The following DNMBP variants were observed in gnomAD, a reference collection of about 807,000 sequenced individuals.
DNMBP encodes dynamin binding protein.
In DNMBP, 87 loss-of-function variants were observed where a neutral mutation model predicts 150.0. The ratio of observed to expected loss-of-function variants is 0.58; its 90% CI spans 0.49 to 0.69. DNMBP has a LOEUF of 0.69. Among genes scored for constraint, DNMBP ranks in the 30% least tolerant of loss-of-function variants. The probability of loss-of-function intolerance (pLI) is 0.00; values close to 1 mark genes in which losing one functional copy is unlikely to be tolerated. For missense variants in DNMBP, 1,774 were observed against 1,949.0 expected (o/e 0.91, Z 1.69); for synonymous variants, 711 against 750.4 (o/e 0.95, Z 0.86).
chr10:99,998,047 A>C (rs2040968547), intron 1 of DNMBP, among the ~76,000 whole-genome samples: 2 of 151,204 alleles, frequency 1.3e-5, no homozygotes, highest in Non-Finnish European at 2.9e-5. Flanking sequence ...CATCCTGGCT[A>C]ACACAGTGAA....
At chr10:99,908,224 A>G (rs1476930777) in intron 5 of DNMBP, 130 bp from the exon 6 acceptor site, 1 of 654,002 alleles carries the variant, frequency 1.5e-6, no homozygotes, top group African/African-American at 1.8e-5. Flanking sequence ...ACTTTCATGA[A>G]GTTTCCAGAC....
intron 13 of DNMBP, 137 bp downstream of exon 13, chr10:99,886,163 T>C (rs1161038639): frequency 3.8e-6 from 3 of 781,048 alleles, no homozygotes; most frequent in Non-Finnish European, 6.0e-6. Flanking sequence ...GGGATTAAGA[T>C]TTCCTGAGGG....
chr10:99,900,088 A>G, intron 6 of DNMBP, 22 bp from the exon 7 acceptor site: 1 of 1,613,380 alleles, frequency 6.2e-7, no homozygotes, highest in Non-Finnish European at 8.5e-7. Flanking sequence ...ACACAAACAT[A>G]CAGTGTTTTT....
intron 1 of DNMBP, among the ~76,000 whole-genome samples, chr10:99,982,672 G>T (rs923915815): frequency 6.6e-6 from 1 of 152,088 alleles, no homozygotes; most frequent in South Asian, 2.1e-4. Context: ...CACTGGTGAG[G>T]CTGGGCACGG....
At position 100,002,614 on chromosome 10, in the gene DNMBP, T is replaced by C. The variant is rs112381368; in HGVS notation, c.-11+7224A>G. 4.9e-3 allele frequency among the ~76,000 whole-genome samples: 747 copies of C among 152,322 alleles called. 11 individuals are homozygous for C. Among genetic ancestry groups the C allele is most frequent in the African/African-American group, 0.016 (669 of 41,574 alleles). On this transcript the variant is annotated intron_variant, in intron 1 of 16. Transcript: ENST00000324109. The stretch of plus-strand genomic sequence containing the variant: ...CAGCTATTTAAATTCTGACTCGTAA[T>C]GCCAGGAGGAAAAAGCTGACCTAAT...
At chr10:99,941,532 G>C (rs558807249) in intron 4 of DNMBP, among the ~76,000 whole-genome samples, 9 of 151,338 alleles carry the variant, frequency 5.9e-5, no homozygotes, top group South Asian at 2.1e-4. Context: ...GCAATGGCAC[G>C]ATCTCGGCTC....
Position 99,894,925 on chromosome 10 carries a change from TAC to T in DNMBP, c.3156+19_3156+20del. ...GAATTACATCGTATGTTAATCTAAC[TAC>T]AGTGATGTTGATGCTCACCCGGATG... On this transcript the variant is annotated intron_variant, in intron 11 of 16. Coordinates refer to ENST00000324109, the MANE Select transcript of DNMBP (RefSeq NM_015221.4). The T allele has an allele frequency of 3.9e-6, 6 of 1,537,620 alleles. No homozygotes were observed. Among genetic ancestry groups the T allele is most frequent in the South Asian group, 1.1e-5 (1 of 89,442 alleles).
intron 3 of DNMBP, among the ~76,000 whole-genome samples, chr10:99,959,364 T>C (rs2040535856): frequency 6.6e-6 from 1 of 151,766 alleles, no homozygotes; most frequent in Non-Finnish European, 1.5e-5. Flanking sequence ...TGCCCACCTG[T>C]GGTCACAGAT....
intron 4 of DNMBP, among the ~76,000 whole-genome samples, chr10:99,915,108 A>AAAAAAAAAAATAT (rs10654940): frequency 2.5e-4 from 25 of 99,800 alleles, no homozygotes; most frequent in African/African-American, 9.3e-4. Flanking sequence ...AAAAAAAAAA[A>AAAAAAAAAAATAT]ATATATATAT....
intron 16 of DNMBP, among the ~76,000 whole-genome samples, chr10:99,879,202 C>G (rs562631878): frequency 1.3e-5 from 2 of 151,998 alleles, no homozygotes; most frequent in African/African-American, 4.8e-5. Context: ...CAATGGCTCA[C>G]GCCTGTAATC....
intron 1 of DNMBP, among the ~76,000 whole-genome samples, 176 bp from the exon 2 acceptor site, chr10:99,972,310 C>T (rs1015933908): frequency 2.6e-5 from 4 of 152,240 alleles, no homozygotes; most frequent in African/African-American, 9.6e-5. Context: ...ACTCCCATCG[C>T]CCAGGCTGGA....
At chr10:100,009,480 C>A (rs948689372) in intron 1 of DNMBP, among the ~76,000 whole-genome samples, 2 of 152,250 alleles carry the variant, frequency 1.3e-5, no homozygotes, top group Non-Finnish European at 2.9e-5. Flanking sequence ...ACGCAGAATT[C>A]TTTTTCCAGC....
chr10:100,008,765 C>T (rs117656517), intron 1 of DNMBP, among the ~76,000 whole-genome samples: 418 of 152,184 alleles, frequency 2.7e-3, no homozygotes, highest in Non-Finnish European at 4.2e-3. Flanking sequence ...TGCTGATCAC[C>T]GTGTCGGTAT....
rs1564744850 is a variant in DNMBP, at chr10:99,955,644, T to TTAG, written c.1829_1830insCTA (p.Pro610_Pro611insTer). ...CCGGAGTACAGGGACGAGGTGGCGG[T>TTAG]GGCCTTAGGGCCTTTCTCCTTTCCG... On this transcript the variant is annotated stop_gained and inframe_insertion, in exon 4 of 17. Transcript: ENST00000324109. LOFTEE classifies it high-confidence loss of function. The TTAG allele has an allele frequency of 6.2e-7, 1 of 1,614,214 alleles. No homozygotes were observed.
chr10:99,969,150 G>A lies in DNMBP; in HGVS notation c.233C>T (p.Thr78Ile). 1.2e-6 allele frequency: 2 copies of A among 1,614,126 alleles called. No individual in the cohort carries two copies. Among genetic ancestry groups the A allele is most frequent in the Non-Finnish European group, 1.7e-6 (2 of 1,179,984 alleles). ...ERLFVCICEFTSQELDNLPLH... is the reference protein window; with the variant it reads ...ERLFVCICEFISQELDNLPLH... ...GGGAAGATTATCCAACTCTTGGGAT[G>A]TGAATTCACAAATGCACACAAACAG... The change falls in exon 3 of 17, where the codon ACA becomes ATA. Residue 78 changes from threonine (T) to isoleucine (I), a missense_variant. By Grantham distance (89) the Thr-to-Ile change is moderately conservative. Transcript: ENST00000324109.
intron 1 of DNMBP, among the ~76,000 whole-genome samples, chr10:99,975,954 A>G (rs1180911188): frequency 6.6e-6 from 1 of 152,180 alleles, no homozygotes; most frequent in African/African-American, 2.4e-5. Context: ...GGACCCTATC[A>G]TATGTTATTG....
At chr10:99,930,198 T>G in intron 4 of DNMBP, 2 of 702,910 alleles carry the variant, frequency 2.8e-6, no homozygotes, top group Non-Finnish European at 5.2e-6. Context: ...CCAACAATCC[T>G]CAAGATTATG....
chr10:99,918,633 C>G (rs923499325), intron 4 of DNMBP, among the ~76,000 whole-genome samples: 2 of 144,882 alleles, frequency 1.4e-5, no homozygotes, highest in Non-Finnish European at 3.0e-5. Context: ...GTGGCACAAT[C>G]TGGGCTCACT....
Position 99,876,504 on chromosome 10 carries a change from G to A in DNMBP, c.*647C>T, listed in dbSNP as rs2039276616. On this transcript the variant is annotated 3_prime_UTR_variant, in exon 17 of 17. Coordinates refer to ENST00000324109, the MANE Select transcript of DNMBP (RefSeq NM_015221.4). ...TAAACACTTCTAAAAGTAGAACGCA[G>A]TTGAATTTTGCATAACTAATCTGGG... The A allele has an allele frequency of 6.6e-6, 1 of 152,214 alleles. No individual in the cohort carries two copies. Among genetic ancestry groups the A allele is most frequent in the Admixed American group, 6.5e-5 (1 of 15,274 alleles). 9.4% of individuals were successfully genotyped at this position (152,214 alleles called of 1,614,324 possible).
Sources: allele counts gnomAD v4.1 joint callset (sites outside exome capture counted in the v4.1 genomes callset), GRCh38; gene constraint gnomAD v4.1.1; transcripts MANE v1.5; gene names NCBI Gene and HGNC (gene_info 2026-07-23, HGNC 2026-07-21).